The following CNIH3 variants were observed in gnomAD, a reference collection of about 807,000 sequenced individuals.
CNIH3 encodes protein cornichon homolog 3.
In CNIH3, 14 loss-of-function variants were observed where a neutral mutation model predicts 24.1. The observed-to-expected ratio is 0.58, with a 90% CI of 0.38 to 0.91. The LOEUF (loss-of-function observed/expected upper bound fraction) is 0.91, where lower values mean the gene tolerates loss of function less well. Among genes scored for constraint, CNIH3 ranks in the 40% least tolerant of loss-of-function variants. CNIH3 has a pLI of 0.00. For synonymous variants in CNIH3, 68 were observed against 73.8 expected (o/e 0.92, Z 0.40); for missense variants, 178 against 196.8 (o/e 0.90, Z 0.57).
intron 1 of CNIH3, among the ~76,000 whole-genome samples, chr1:224,498,954 G>A (rs1273690706): frequency 2.6e-5 from 4 of 152,216 alleles, no homozygotes; most frequent in African/African-American, 9.6e-5. Context: ...CTTCCTGTCC[G>A]CAGGCACTGC....
At chr1:224,599,385 C>G (rs981827852) in intron 3 of CNIH3, among the ~76,000 whole-genome samples, 4 of 152,054 alleles carry the variant, frequency 2.6e-5, no homozygotes, top group Non-Finnish European at 5.9e-5. Flanking sequence ...AATGAATTAG[C>G]CTTTATTAAT....
rs1689384932 is a variant in CNIH3 at position 224,732,396 on chromosome 1, G to A, written c.311+1822G>A. Among the ~76,000 whole-genome samples, 4 of 152,204 alleles carry A rather than the reference G, an allele frequency of 2.6e-5. No homozygotes were observed. The South Asian group carries it at 8.3e-4, about 32-fold the overall frequency. On this transcript the variant is annotated intron_variant, in intron 4 of 5. Coordinates refer to ENST00000272133, the MANE Select transcript of CNIH3 (RefSeq NM_152495.2). Reference sequence around the variant, plus strand: ...GTTACATCGAGAAGCCTCACTTTAAGTAAAGGCAATCTGCTCTCATCTGAA... The same window carrying A: ...GTTACATCGAGAAGCCTCACTTTAAATAAAGGCAATCTGCTCTCATCTGAA...
chr1:224,558,289 G>A (rs1396987185), intron 3 of CNIH3, among the ~76,000 whole-genome samples: 1 of 152,084 alleles, frequency 6.6e-6, no homozygotes, highest in Non-Finnish European at 1.5e-5. Flanking sequence ...GAGGTCTCAG[G>A]GTTCCAAGAG....
intron 3 of CNIH3, among the ~76,000 whole-genome samples, chr1:224,557,387 C>T (rs1680181122): frequency 6.6e-6 from 1 of 152,042 alleles, no homozygotes; most frequent in South Asian, 2.1e-4. Flanking sequence ...ATAGTGCTTT[C>T]TTCAAAGAAA....
chr1:224,609,769 C>T (rs1374721525), intron 3 of CNIH3, among the ~76,000 whole-genome samples: 1 of 152,144 alleles, frequency 6.6e-6, no homozygotes, highest in Non-Finnish European at 1.5e-5. Context: ...TCCCATGAAT[C>T]CAAAGGCATT....
exon 6 of CNIH3, chr1:224,588,469 A>C (rs1681604533): frequency 6.6e-6 from 1 of 152,112 alleles, no homozygotes; most frequent in Admixed American, 6.6e-5. Context: ...TCTGCGTAAG[A>C]ATTCCCATTT....
chr1:224,660,108 A>G (rs546155691), intron 1 of CNIH3, among the ~76,000 whole-genome samples: 2 of 152,324 alleles, frequency 1.3e-5, no homozygotes, highest in South Asian at 4.1e-4. Flanking sequence ...TAGGTAATGT[A>G]TTAGTCCATT....
At chr1:224,667,569 C>CT (rs1685654012) in intron 1 of CNIH3, among the ~76,000 whole-genome samples, 1 of 152,122 alleles carries the variant, frequency 6.6e-6, no homozygotes, top group Non-Finnish European at 1.5e-5. Context: ...AAGAGTTGCT[C>CT]CAACTCATCT....
intron 4 of CNIH3, among the ~76,000 whole-genome samples, chr1:224,731,494 C>G (rs1017823761): frequency 1.3e-5 from 2 of 152,190 alleles, no homozygotes; most frequent in African/African-American, 4.8e-5. Context: ...TGACCCTTTG[C>G]TGCCAGAGCA....
At chr1:224,527,240 G>A (rs2124925044) in intron 2 of CNIH3, among the ~76,000 whole-genome samples, 1 of 152,232 alleles carries the variant, frequency 6.6e-6, no homozygotes, top group East Asian at 1.9e-4. Flanking sequence ...TGCTGAGGGA[G>A]GCATCACAGG....
intron 1 of CNIH3, among the ~76,000 whole-genome samples, chr1:224,471,593 CTTTT>C (rs771939815): frequency 7.0e-6 from 1 of 142,288 alleles, no homozygotes; most frequent in Admixed American, 7.0e-5. Context: ...CTCATTCTCT[CTTTT>C]TTTTTTTTTT....
chr1:224,539,163 A>C (rs552357506), downstream of CNIH3, among the ~76,000 whole-genome samples: 1 of 152,140 alleles, frequency 6.6e-6, no homozygotes, highest in Non-Finnish European at 1.5e-5. Context: ...TTAATTTAAC[A>C]TGTCATCCTG....
At chr1:224,733,433 G>T (rs1689435866) in intron 4 of CNIH3, among the ~76,000 whole-genome samples, 1 of 152,222 alleles carries the variant, frequency 6.6e-6, no homozygotes, top group Admixed American at 6.5e-5. Context: ...GGAGAGATGA[G>T]TGGCCTGGAG....
intron 1 of CNIH3, among the ~76,000 whole-genome samples, chr1:224,627,295 C>T (rs535528073): frequency 5.9e-5 from 9 of 151,954 alleles, no homozygotes; most frequent in Non-Finnish European, 7.4e-5. Flanking sequence ...GATGTGATCT[C>T]GGCTCACTGC....
intron 1 of CNIH3, among the ~76,000 whole-genome samples, chr1:224,501,238 C>A (rs1677652092): frequency 6.6e-6 from 1 of 152,072 alleles, no homozygotes; most frequent in Non-Finnish European, 1.5e-5. Flanking sequence ...CGGAGTCATA[C>A]TTTGTTCATT....
At chr1:224,635,802 A>G (rs1052468803) in intron 1 of CNIH3, among the ~76,000 whole-genome samples, 4 of 152,130 alleles carry the variant, frequency 2.6e-5, no homozygotes, top group African/African-American at 4.8e-5. Flanking sequence ...CCTGGGCTCA[A>G]CTGGGCTCAA....
At chr1:224,586,118 T>C (rs989750455) in intron 5 of CNIH3, among the ~76,000 whole-genome samples, 4 of 152,156 alleles carry the variant, frequency 2.6e-5, no homozygotes, top group Non-Finnish European at 4.4e-5. Flanking sequence ...ATGATCTGGT[T>C]CTCCCCATGG....
rs145600932 is a variant in CNIH3, at chr1:224,647,439, T to C, written c.81+30184T>C. 2.2e-3 allele frequency among the ~76,000 whole-genome samples: 341 copies of C among 152,276 alleles called. 5 individuals carry two copies. The East Asian group carries it at 0.03, about 13-fold the overall frequency. ...TGTCCATGGAGGTGGAACAGGAGTG[T>C]CTGACCACCCCCCTGCCTGGGCCTG... On this transcript the variant is annotated intron_variant, in intron 1 of 5. Transcript: ENST00000272133.
chr1:224,518,635 T>A (rs1678495590), intron 1 of CNIH3, among the ~76,000 whole-genome samples: 1 of 152,220 alleles, frequency 6.6e-6, no homozygotes, highest in East Asian at 1.9e-4. Context: ...GAGGCTTTTT[T>A]GTTTGCTTTT....
Sources: gnomAD v4.1 joint callset for allele counts (sites outside exome capture counted in the v4.1 genomes callset) on GRCh38, gnomAD v4.1.1 for gene constraint, MANE v1.5 for transcripts, NCBI Gene and HGNC (gene_info 2026-07-23, HGNC 2026-07-21) for gene names.